Variants in DPP10 observed in about 807,000 individuals in gnomAD.
The protein encoded by DPP10 is inactive dipeptidyl peptidase 10.
DPP10 carries 33 observed loss-of-function variants against 120.9 expected under a neutral mutation model. The ratio of observed to expected loss-of-function variants is 0.27; its 90% confidence interval spans 0.21 to 0.37. The LOEUF (loss-of-function observed/expected upper bound fraction) is 0.37, where lower values mean the gene tolerates loss of function less well. Among genes scored for constraint, DPP10 ranks in the 10% least tolerant of loss-of-function variants. DPP10 has a pLI of 1.00. For synonymous variants in DPP10, 337 were observed against 326.1 expected (o/e 1.03, Z -0.36); for missense variants, 816 against 942.8 (o/e 0.87, Z 1.76).
In DPP10 at chr2:115,438,216, G is replaced by GA. The variant is rs574409523; in HGVS notation, c.272-61287dup. On this transcript the variant is annotated intron_variant, in intron 3 of 25. Coordinates refer to ENST00000410059, the MANE Select transcript of DPP10 (RefSeq NM_020868.6). ...TCACATTCATTAGAATGGCTGTCAT[G>GA]AAAAAAATATTGCAACAACAACAAA... Among the ~76,000 whole-genome samples the GA allele has an allele frequency of 3.3e-5, 5 of 152,124 alleles. No individual in the cohort carries two copies. The South Asian group carries it at 8.3e-4, about 25-fold the overall frequency.
At chr2:115,811,565 T>C (rs1306059591) in intron 19 of DPP10, among the ~76,000 whole-genome samples, 1 of 152,236 alleles carries the variant, frequency 6.6e-6, no homozygotes, top group Non-Finnish European at 1.5e-5. Flanking sequence ...TGGGAACTTC[T>C]GAAATCGCTG....
intron 1 of DPP10, among the ~76,000 whole-genome samples, chr2:114,514,264 C>T (rs10187644): frequency 0.43 from 64,984 of 151,862 alleles, 13,992 homozygotes; most frequent in Middle Eastern, 0.48. Flanking sequence ...CCCCACCAAC[C>T]CTGTGATGTA....
chr2:115,602,654 T>C (rs1360132010), intron 5 of DPP10, among the ~76,000 whole-genome samples: 3 of 152,278 alleles, frequency 2.0e-5, no homozygotes, highest in African/African-American at 7.2e-5. Context: ...AAATGTTCTA[T>C]GTGAGGAAAA....
At chr2:114,797,123 A>G (rs988040931) in intron 1 of DPP10, among the ~76,000 whole-genome samples, 6 of 152,196 alleles carry the variant, frequency 3.9e-5, no homozygotes, top group Admixed American at 3.9e-4. Context: ...CAGAACCCAG[A>G]GCTTTCCCTG....
At chr2:114,663,256 AT>A (rs1194897356) in intron 1 of DPP10, among the ~76,000 whole-genome samples, 3 of 147,724 alleles carry the variant, frequency 2.0e-5, no homozygotes, top group Non-Finnish European at 4.5e-5. Context: ...ATATATATAT[AT>A]ATCTATATAT....
chr2:115,283,293 A>G (rs989599087), intron 1 of DPP10, among the ~76,000 whole-genome samples: 1 of 152,096 alleles, frequency 6.6e-6, no homozygotes, highest in Non-Finnish European at 1.5e-5. Flanking sequence ...ATTTGTAATC[A>G]GGTTAGAATT....
chr2:114,576,595 T>A (rs1172994921), intron 1 of DPP10, among the ~76,000 whole-genome samples: 1 of 152,160 alleles, frequency 6.6e-6, no homozygotes, highest in Non-Finnish European at 1.5e-5. Context: ...AATCACCCTC[T>A]TTGGGTACAG....
chr2:114,598,279 A>C (rs1480919923), intron 1 of DPP10, among the ~76,000 whole-genome samples: 1 of 151,910 alleles, frequency 6.6e-6, no homozygotes, highest in Non-Finnish European at 1.5e-5. Context: ...TTTGGCTGGC[A>C]GTGGTGGCAG....
rs1690531481 is a variant in DPP10 at position 115,845,359 on chromosome 2, T to C, written c.*3014T>C. 1 of 152,232 alleles carries C rather than the reference T, an allele frequency of 6.6e-6. No homozygotes were observed. The highest frequency in any genetic ancestry group is 1.5e-5 in the Non-Finnish European group (1 of 68,056). 9.4% of individuals were successfully genotyped at this position (152,232 alleles called of 1,614,324 possible). A position where few individuals can be genotyped will look rare whatever the true frequency, so the allele number is the denominator to read the frequency against. ...ACTTTCTGTTCTGGGGATTCTCTGA[T>C]ACTAATTTTGGCTACTTGGTAGAAC... On this transcript the variant is annotated 3_prime_UTR_variant, in exon 26 of 26. Transcript: ENST00000410059.
intron 17 of DPP10, among the ~76,000 whole-genome samples, chr2:115,786,345 G>C (rs1445964262): frequency 6.6e-6 from 1 of 152,152 alleles, no homozygotes; most frequent in Non-Finnish European, 1.5e-5. Context: ...AAAACTATAT[G>C]AGGCCAGAGG....
At chr2:114,894,416 A>G (rs1036867011) in intron 1 of DPP10, among the ~76,000 whole-genome samples, 2 of 152,324 alleles carry the variant, frequency 1.3e-5, no homozygotes, top group African/African-American at 2.4e-5. Flanking sequence ...CTTAGAAAAA[A>G]CAAAGGATTA....
chr2:115,003,195 A>G (rs1701567599), intron 1 of DPP10, among the ~76,000 whole-genome samples: 1 of 151,054 alleles, frequency 6.6e-6, no homozygotes. Context: ...AAAAAAAACA[A>G]TGAAATCATG....
chr2:114,880,253 A>C (rs1691497815), intron 1 of DPP10, among the ~76,000 whole-genome samples: 1 of 152,218 alleles, frequency 6.6e-6, no homozygotes, highest in Non-Finnish European at 1.5e-5. Flanking sequence ...TTTGCAAAAC[A>C]ACCACCAAAT....
At chr2:115,732,772 T>C (rs1273912696) in intron 8 of DPP10, among the ~76,000 whole-genome samples, 1 of 152,164 alleles carries the variant, frequency 6.6e-6, no homozygotes, top group Non-Finnish European at 1.5e-5. Context: ...GCTTAAGTGA[T>C]TTACAGATAT....
chr2:115,205,071 GC>G lies in DPP10; in HGVS notation c.61-104167del, dbSNP rs2056027204. On this transcript the variant is annotated intron_variant, in intron 1 of 25. Coordinates refer to ENST00000410059, the MANE Select transcript of DPP10 (RefSeq NM_020868.6). Reference sequence around the variant, plus strand: ...GTTTACTTTGTATATAGTTTCTTTTGCTGTGCAGAGGCTGTTTAGTTTAATT... The same window carrying G: ...GTTTACTTTGTATATAGTTTCTTTTGTGTGCAGAGGCTGTTTAGTTTAATT... Among the ~76,000 whole-genome samples, 21 of 152,184 alleles carry G rather than the reference GC, an allele frequency of 1.4e-4. No homozygotes were observed. In the South Asian group the frequency reaches 4.1e-3, roughly 30 times the overall value.
chr2:115,590,151 T>TTTATTATTATTA (rs59816892), intron 5 of DPP10, among the ~76,000 whole-genome samples: 2,125 of 138,734 alleles, frequency 0.015, 39 homozygotes, highest in East Asian at 0.044. Context: ...ATTTGTTTTC[T>TTTATTATTATTA]TTATTATTAT....
chr2:114,742,368 A>G (rs1678150340), intron 1 of DPP10, among the ~76,000 whole-genome samples: 2 of 152,268 alleles, frequency 1.3e-5, no homozygotes, highest in South Asian at 4.1e-4. Context: ...TATTTGGCAT[A>G]TGAAAAGTAT....
At chr2:114,807,703 T>G (rs1684849366) in intron 1 of DPP10, among the ~76,000 whole-genome samples, 1 of 152,244 alleles carries the variant, frequency 6.6e-6, no homozygotes, top group African/African-American at 2.4e-5. Flanking sequence ...TTGATATAGT[T>G]GTTCCAGTTC....
At chr2:114,503,888 C>T (rs542381448) in intron 1 of DPP10, among the ~76,000 whole-genome samples, 1 of 152,332 alleles carries the variant, frequency 6.6e-6, no homozygotes, top group South Asian at 2.1e-4. Flanking sequence ...TCTATTTTCA[C>T]ATAGCTTTGG....
Sources: allele counts gnomAD v4.1 joint callset (sites outside exome capture counted in the v4.1 genomes callset), GRCh38; gene constraint gnomAD v4.1.1; transcripts MANE v1.5; gene names NCBI Gene and HGNC (gene_info 2026-07-23, HGNC 2026-07-21).